The following GALNT18 variants were observed in gnomAD, a reference collection of about 807,000 sequenced individuals.
GALNT18 encodes the protein GalNAc-transferase 18.
GALNT18 carries 44 observed loss-of-function variants against 69.5 expected under a neutral mutation model. That is an observed-to-expected ratio of 0.63 (90% CI 0.50 to 0.81). The LOEUF is 0.81. Ranked by LOEUF, GALNT18 falls within the 40% of genes least tolerant of loss-of-function variation. The pLI, the probability that GALNT18 is intolerant of heterozygous loss-of-function variation, is 0.00. For synonymous variants in GALNT18, 364 were observed against 318.2 expected (o/e 1.14, Z -1.53); for missense variants, 715 against 810.0 (o/e 0.88, Z 1.42).
At chr11:11,449,161 A>T (rs1209703774) in intron 1 of GALNT18, among the ~76,000 whole-genome samples, 1 of 152,144 alleles carries the variant, frequency 6.6e-6, no homozygotes, top group Non-Finnish European at 1.5e-5. Flanking sequence ...AGAGAAATAC[A>T]CCTGACAGGG....
chr11:11,304,530 C>A (rs4910310), intron 9 of GALNT18, among the ~76,000 whole-genome samples: 4 of 151,944 alleles, frequency 2.6e-5, no homozygotes, highest in African/African-American at 9.7e-5. Flanking sequence ...GGTGCATATC[C>A]TATGCACTGA....
intron 1 of GALNT18, among the ~76,000 whole-genome samples, chr11:11,572,021 A>C (rs1858804298): frequency 6.6e-6 from 1 of 152,218 alleles, no homozygotes; most frequent in Non-Finnish European, 1.5e-5. Context: ...ACAGATTTCC[A>C]GGCTCCCCCA....
rs79347342 is a variant in GALNT18 at position 11,341,071 on chromosome 11, C to T, written c.1093-67G>A. 11,438 of 1,469,074 alleles carry T rather than the reference C, an allele frequency of 7.8e-3. 169 individuals are homozygous for T. Among genetic ancestry groups the T allele is most frequent in the African/African-American group, 0.061 (4,308 of 71,072 alleles). The allele number at this position is 1,469,074 out of a possible 1,614,324, so 91.0% of individuals were successfully genotyped here. ...CTGCCTTTCTACACCAGGCCTCAGG[C>T]AGCCACTTGACATGAGCAGGAAGAA... On this transcript the variant is annotated intron_variant, in intron 6 of 10. Transcript: ENST00000227756. The surrounding 1 kb of genome is among the most constrained non-coding windows in gnomAD (Gnocchi z 6.3).
chr11:11,531,060 C>T (rs1044054251), intron 1 of GALNT18, among the ~76,000 whole-genome samples: 2 of 152,248 alleles, frequency 1.3e-5, no homozygotes, highest in Admixed American at 6.5e-5. Context: ...TGCAATAGGC[C>T]TTTGCCGGCT....
intron 1 of GALNT18, among the ~76,000 whole-genome samples, chr11:11,478,937 ATCTCCCGCGGAGG>A (rs2133865750): frequency 6.6e-6 from 1 of 151,596 alleles, no homozygotes; most frequent in Admixed American, 6.6e-5. Context: ...CGGAGGTGGC[ATCTCCCGCGGAGG>A]TGGCACCTCC....
Position 11,479,173 on chromosome 11 carries a change from T to G in GALNT18, c.236-30237A>C, listed in dbSNP as rs1856469628. Among the ~76,000 whole-genome samples, 3 of 152,160 alleles carry G rather than the reference T, an allele frequency of 2.0e-5. No homozygotes were observed. The South Asian group carries it at 6.2e-4, about 32-fold the overall frequency. On this transcript the variant is annotated intron_variant, in intron 1 of 10. Transcript: ENST00000227756. ...TTACTTGTATAACCCATTCCTTAAA[T>G]TCTGCCTAAAATGCTTACTGATTAA...
At chr11:11,274,708 A>C (rs1452040315) in intron 10 of GALNT18, among the ~76,000 whole-genome samples, 1 of 151,452 alleles carries the variant, frequency 6.6e-6, no homozygotes, top group Admixed American at 6.6e-5. Flanking sequence ...CTAGCCCTCC[A>C]CTCCCTGACA....
intron 6 of GALNT18, among the ~76,000 whole-genome samples, chr11:11,344,715 T>G (rs752829728): frequency 6.6e-6 from 1 of 152,140 alleles, no homozygotes; most frequent in African/African-American, 2.4e-5. Context: ...GGGGATGCAG[T>G]GTGGGTAAGT....
intron 3 of GALNT18, among the ~76,000 whole-genome samples, chr11:11,408,525 C>T (rs1854647531): frequency 6.6e-6 from 1 of 152,100 alleles, no homozygotes; most frequent in African/African-American, 2.4e-5. Flanking sequence ...AAGTCGCATT[C>T]CTGCCTTCCA....
chr11:11,565,481 G>A (rs534653413), intron 1 of GALNT18, among the ~76,000 whole-genome samples: 3 of 152,282 alleles, frequency 2.0e-5, no homozygotes, highest in East Asian at 3.9e-4. Context: ...AGGCCTCTAA[G>A]CATGAGGGTA....
chr11:11,300,807 A>C (rs1173100626), intron 9 of GALNT18, among the ~76,000 whole-genome samples: 1 of 152,206 alleles, frequency 6.6e-6, no homozygotes, highest in Non-Finnish European at 1.5e-5. Context: ...GGGAGCTTTA[A>C]AACCTATAAA....
At chr11:11,559,846 GGTGAAATAGAATGATATGATGGGATGGT>G (rs1297666120) in intron 1 of GALNT18, among the ~76,000 whole-genome samples, 2 of 151,938 alleles carry the variant, frequency 1.3e-5, no homozygotes, top group East Asian at 1.9e-4. Flanking sequence ...GATGGGATGG[GGTGAAATAGAATGATATGATGGGATGGT>G]GTGGAACAGA....
At chr11:11,491,398 GAAC>G (rs755529854) in intron 1 of GALNT18, among the ~76,000 whole-genome samples, 4 of 152,176 alleles carry the variant, frequency 2.6e-5, no homozygotes, top group Admixed American at 1.3e-4. Context: ...TGAAAGCAAA[GAAC>G]AATTAGTCCT....
intron 1 of GALNT18, among the ~76,000 whole-genome samples, chr11:11,529,317 T>C (rs561038173): frequency 6.6e-6 from 1 of 152,328 alleles, no homozygotes; most frequent in Admixed American, 6.5e-5. Context: ...ATCCAATCTG[T>C]TGAAGACCTA....
At position 11,432,506 on chromosome 11, in the gene GALNT18, C is replaced by T. The variant is rs1186933115; in HGVS notation, c.595+115G>A. ...CACCATGAATTTCTCATCTATGCTC[C>T]AGAGAAAGAGCAGCCACAGACAGCC... On this transcript the variant is annotated intron_variant, in intron 3 of 10. Transcript: ENST00000227756. The surrounding 1 kb of genome is among the most constrained non-coding windows in gnomAD (Gnocchi z 5.8). The T allele has an allele frequency of 3.8e-6, 4 of 1,060,270 alleles. No homozygotes were observed. The highest frequency in any genetic ancestry group is 5.4e-6 in the Non-Finnish European group (4 of 742,422). 65.7% of individuals were successfully genotyped at this position (1,060,270 alleles called of 1,614,324 possible).
At chr11:11,305,434 A>G (rs766164780) in intron 9 of GALNT18, among the ~76,000 whole-genome samples, 1 of 152,224 alleles carries the variant, frequency 6.6e-6, no homozygotes, top group Non-Finnish European at 1.5e-5. Context: ...TTCTAAATGC[A>G]ATGCATGCTC....
In GALNT18 at chr11:11,454,446, T is replaced by C. The variant is rs1355870436; in HGVS notation, c.236-5510A>G. ...GTGCATGGAGTAATTACCCCCAAAA[T>C]ATAGGGAGAAGGAAGATAAGGAGGG... On this transcript the variant is annotated intron_variant, in intron 1 of 10. Transcript: ENST00000227756. The surrounding 1 kb of genome is among the most constrained non-coding windows in gnomAD (Gnocchi z 4.2). Among the ~76,000 whole-genome samples, 1 of 151,986 alleles carries C rather than the reference T, an allele frequency of 6.6e-6. No homozygotes were observed. The highest frequency in any genetic ancestry group is 1.5e-5 in the Non-Finnish European group (1 of 68,000).
intron 1 of GALNT18, among the ~76,000 whole-genome samples, chr11:11,508,789 C>T (rs1857116937): frequency 6.6e-6 from 1 of 152,212 alleles, no homozygotes; most frequent in South Asian, 2.1e-4. Context: ...TCCACCAAAG[C>T]ACAGTGAAAG....
At chr11:11,479,343 G>A (rs1467095764) in intron 1 of GALNT18, among the ~76,000 whole-genome samples, 1 of 152,186 alleles carries the variant, frequency 6.6e-6, no homozygotes, top group East Asian at 1.9e-4. Context: ...TGAGGAAGAG[G>A]AGGTATGTGT....
Sources: allele counts gnomAD v4.1 joint callset (sites outside exome capture counted in the v4.1 genomes callset), GRCh38; gene constraint gnomAD v4.1.1; non-coding constraint Gnocchi (gnomAD v3.1); transcripts MANE v1.5; gene names NCBI Gene and HGNC (gene_info 2026-07-23, HGNC 2026-07-21).